The following ENOX1 variants were observed in gnomAD, a reference collection of about 807,000 sequenced individuals.
ENOX1 encodes candidate growth-related and time keeping constitutive hydroquinone (NADH) oxidase.
Under a neutral mutation model 82.5 loss-of-function variants are expected in ENOX1, and 42 were observed. That is an observed-to-expected ratio of 0.51 (90% CI 0.40 to 0.66). ENOX1 has a LOEUF of 0.66. Among genes scored for constraint, ENOX1 ranks in the 30% least tolerant of loss-of-function variants. The pLI, the probability that ENOX1 is intolerant of heterozygous loss-of-function variation, is 0.00. For missense variants in ENOX1, 608 were observed against 811.6 expected, an observed-to-expected ratio of 0.75 and a Z score of 3.05; for synonymous variants, 271 against 282.2, an observed-to-expected ratio of 0.96 and a Z score of 0.40.
chr13:43,601,578 G>C (rs2081724307), intron 2 of ENOX1, among the ~76,000 whole-genome samples: 1 of 152,060 alleles, frequency 6.6e-6, no homozygotes. Flanking sequence ...ACAAACCTAA[G>C]AGTCATTGGC....
chr13:43,567,135 C>G (rs1369674198), intron 2 of ENOX1, among the ~76,000 whole-genome samples: 1 of 152,064 alleles, frequency 6.6e-6, no homozygotes, highest in Non-Finnish European at 1.5e-5. Flanking sequence ...CTCACCATAA[C>G]AGATGGAGGA....
chr13:43,344,203 T>C (rs1400252638), intron 9 of ENOX1, among the ~76,000 whole-genome samples: 1 of 152,186 alleles, frequency 6.6e-6, no homozygotes, highest in Non-Finnish European at 1.5e-5. Context: ...GCGGACAGCC[T>C]GCAGGTGAAC....
chr13:43,340,200 G>T (rs964653416), intron 9 of ENOX1, among the ~76,000 whole-genome samples: 3 of 152,196 alleles, frequency 2.0e-5, no homozygotes, highest in Non-Finnish European at 4.4e-5. Flanking sequence ...AGCCCTTTTT[G>T]TAAAAGCACA....
intron 1 of ENOX1, among the ~76,000 whole-genome samples, chr13:43,753,063 T>C (rs1410967169): frequency 2.6e-5 from 4 of 152,164 alleles, no homozygotes; most frequent in African/African-American, 9.7e-5. Flanking sequence ...TTTCACCATG[T>C]TGGCCAGGCT....
chr13:43,400,309 C>G (rs1384937332), intron 5 of ENOX1, among the ~76,000 whole-genome samples: 1 of 152,196 alleles, frequency 6.6e-6, no homozygotes, highest in Non-Finnish European at 1.5e-5. Context: ...GATGCCTGTC[C>G]TTTTCTGAGA....
chr13:43,567,580 A>G (rs1454749977), intron 2 of ENOX1, among the ~76,000 whole-genome samples: 2 of 152,190 alleles, frequency 1.3e-5, no homozygotes, highest in Non-Finnish European at 2.9e-5. Context: ...TTGATAATTA[A>G]TTAATCTTAT....
At chr13:43,458,887 C>A (rs2057342859) in intron 3 of ENOX1, 1 of 152,176 alleles carries the variant, frequency 6.6e-6, no homozygotes, top group Admixed American at 6.5e-5. Context: ...GTTATACAAA[C>A]TTACTTGACT....
intron 2 of ENOX1, among the ~76,000 whole-genome samples, chr13:43,608,332 A>G (rs2082057554): frequency 6.6e-6 from 1 of 152,190 alleles, no homozygotes; most frequent in African/African-American, 2.4e-5. Flanking sequence ...TATTTTAACT[A>G]TTATGTAAAA....
intron 3 of ENOX1, among the ~76,000 whole-genome samples, chr13:43,462,876 C>T (rs1211322004): frequency 7.9e-6 from 1 of 126,100 alleles, no homozygotes; most frequent in Non-Finnish European, 1.8e-5. Context: ...TCAACTTTCT[C>T]TGGCAATTAA....
intron 5 of ENOX1, among the ~76,000 whole-genome samples, chr13:43,407,356 G>C (rs927307872): frequency 1.3e-5 from 2 of 152,202 alleles, no homozygotes; most frequent in Non-Finnish European, 2.9e-5. Flanking sequence ...ATAGAAGGAT[G>C]GATGGTAGTG....
At chr13:43,520,075 G>C (rs959498627) in intron 2 of ENOX1, among the ~76,000 whole-genome samples, 1 of 152,144 alleles carries the variant, frequency 6.6e-6, no homozygotes, top group East Asian at 1.9e-4. Flanking sequence ...CCAGAACCTA[G>C]CAAAGTGCTT....
intron 3 of ENOX1, among the ~76,000 whole-genome samples, chr13:43,442,074 C>T (rs979575106): frequency 3.3e-5 from 5 of 152,034 alleles, no homozygotes; most frequent in Non-Finnish European, 7.4e-5. Context: ...CAGACCAGGG[C>T]CCCAGAGCCT....
At chr13:43,582,724 C>A (rs912583187) in intron 2 of ENOX1, among the ~76,000 whole-genome samples, 1 of 152,074 alleles carries the variant, frequency 6.6e-6, no homozygotes, top group Non-Finnish European at 1.5e-5. Context: ...CAGGCGCACA[C>A]CACCACACCC....
At chr13:43,308,413 T>G (rs1446161521) in intron 11 of ENOX1, among the ~76,000 whole-genome samples, 2 of 152,256 alleles carry the variant, frequency 1.3e-5, no homozygotes, top group East Asian at 3.8e-4. Flanking sequence ...ACCCGTTTTG[T>G]CCTTCTTTCC....
At chr13:43,468,680 C>G (rs1305911533) in intron 3 of ENOX1, among the ~76,000 whole-genome samples, 1 of 150,762 alleles carries the variant, frequency 6.6e-6, no homozygotes, top group Non-Finnish European at 1.5e-5. Context: ...ATAGGGATGG[C>G]ACTGAATCTG....
In ENOX1 at chr13:43,581,860, T is replaced by C. The variant is rs17064734; in HGVS notation, c.-219+85619A>G. Among the ~76,000 whole-genome samples the C allele has an allele frequency of 2.4e-3, 368 of 152,316 alleles. 1 individual carries two copies. Among genetic ancestry groups the C allele is most frequent in the African/African-American group, 8.5e-3 (353 of 41,568 alleles). On this transcript the variant is annotated intron_variant, in intron 2 of 16. Coordinates refer to ENST00000690772, the MANE Select transcript of ENOX1 (RefSeq NM_001347969.2). ...TAATAGCAGGAATTATTTACCTCTTTCCATTTGTGATCAATCAAGTAGATT... is the reference window on the plus strand; with the variant it reads ...TAATAGCAGGAATTATTTACCTCTTCCCATTTGTGATCAATCAAGTAGATT...
At chr13:43,679,786 T>C (rs1362895534) in intron 1 of ENOX1, among the ~76,000 whole-genome samples, 1 of 152,204 alleles carries the variant, frequency 6.6e-6, no homozygotes, top group African/African-American at 2.4e-5. Context: ...GAATAAACAA[T>C]GCATCCTTTG....
At chr13:43,305,320 A>G (rs1053270013) in intron 11 of ENOX1, among the ~76,000 whole-genome samples, 5 of 152,154 alleles carry the variant, frequency 3.3e-5, no homozygotes, top group African/African-American at 4.8e-5. Context: ...ACATTTTTGC[A>G]GGATTATTAT....
At chr13:43,377,921 C>T (rs564118262) in intron 5 of ENOX1, among the ~76,000 whole-genome samples, 12 of 152,318 alleles carry the variant, frequency 7.9e-5, no homozygotes, top group Middle Eastern at 3.4e-3. Flanking sequence ...GGCCATATCA[C>T]TGTTTTAGGC....
Sources: allele counts gnomAD v4.1 joint callset (sites outside exome capture counted in the v4.1 genomes callset), GRCh38; gene constraint gnomAD v4.1.1; transcripts MANE v1.5; gene names NCBI Gene and HGNC (gene_info 2026-07-23, HGNC 2026-07-21).